Variants in MALRD1 observed in about 807,000 individuals in gnomAD.
MALRD1 encodes MAM and LDL receptor class A domain containing 1.
MALRD1 carries 247 observed loss-of-function variants against 242.1 expected under a neutral mutation model. The observed-to-expected ratio is 1.02, with a 90% CI of 0.92 to 1.13. The LOEUF is 1.13. Ranked by LOEUF, MALRD1 falls within the 50% of genes most tolerant of loss-of-function variation. The pLI, the probability that MALRD1 is intolerant of heterozygous loss-of-function variation, is 0.00. For synonymous variants in MALRD1, 995 were observed against 866.6 expected (o/e 1.15, Z -2.60); for missense variants, 2,989 against 2,533.1 (o/e 1.18, Z -3.86).
intron 17 of MALRD1, among the ~76,000 whole-genome samples, chr10:19,207,222 A>T (rs1480606743): frequency 6.6e-6 from 1 of 152,202 alleles, no homozygotes; most frequent in African/African-American, 2.4e-5. Context: ...AAAATGTAGA[A>T]CTACTTGTTA....
intron 28 of MALRD1, among the ~76,000 whole-genome samples, chr10:19,446,323 C>T (rs1834978249): frequency 6.6e-6 from 1 of 151,952 alleles, no homozygotes; most frequent in African/African-American, 2.4e-5. Flanking sequence ...GAACCCAGTA[C>T]CTCAGTTGGA....
chr10:19,504,761 C>T (rs1301223164), intron 31 of MALRD1, among the ~76,000 whole-genome samples: 1 of 145,836 alleles, frequency 6.9e-6, no homozygotes, highest in Non-Finnish European at 1.5e-5. Flanking sequence ...CGGCTCACTG[C>T]AAGCTCCGCT....
In MALRD1 at chr10:19,515,673, C is replaced by T. The variant is rs188692865; in HGVS notation, c.5321-15521C>T. 6.3e-3 allele frequency among the ~76,000 whole-genome samples: 958 copies of T among 152,210 alleles called. 3 individuals are homozygous for T. Among genetic ancestry groups the T allele is most frequent in the Non-Finnish European group, 9.9e-3 (670 of 68,012 alleles). On this transcript the variant is annotated intron_variant, in intron 31 of 39. Coordinates refer to ENST00000454679, the MANE Select transcript of MALRD1 (RefSeq NM_001142308.3). Reference sequence around the variant, plus strand: ...CTCCCGGGTTCACGCCATTCTCCTGCCTCAGCCTCCCGAGTAGCTGGGACT... The same window carrying T: ...CTCCCGGGTTCACGCCATTCTCCTGTCTCAGCCTCCCGAGTAGCTGGGACT...
At chr10:19,503,416 C>T (rs1175334899) in intron 31 of MALRD1, among the ~76,000 whole-genome samples, 1 of 152,162 alleles carries the variant, frequency 6.6e-6, no homozygotes, top group Non-Finnish European at 1.5e-5. Flanking sequence ...ATAAGAGGGC[C>T]ATTTTCACTG....
intron 1 of MALRD1, among the ~76,000 whole-genome samples, chr10:19,053,758 A>C (rs1473353621): frequency 1.3e-5 from 2 of 151,924 alleles, no homozygotes; most frequent in Non-Finnish European, 2.9e-5. Flanking sequence ...TTCCACACGC[A>C]GTCTTTTTAT....
At chr10:19,276,409 T>C (rs542125581) in intron 19 of MALRD1, among the ~76,000 whole-genome samples, 165 of 152,306 alleles carry the variant, frequency 1.1e-3, no homozygotes, top group African/African-American at 3.7e-3. Flanking sequence ...TTAAACATTT[T>C]AAAAGGATGA....
intron 14 of MALRD1, among the ~76,000 whole-genome samples, chr10:19,181,167 T>C (rs980062088): frequency 3.3e-5 from 5 of 152,158 alleles, no homozygotes; most frequent in African/African-American, 1.2e-4. Flanking sequence ...CTAAAGAAAT[T>C]AGCAATAAAA....
intron 35 of MALRD1, among the ~76,000 whole-genome samples, chr10:19,609,643 T>C (rs984439468): frequency 5.3e-5 from 8 of 152,090 alleles, no homozygotes; most frequent in African/African-American, 1.4e-4. Flanking sequence ...GTATAGATGT[T>C]GCAGGCTACA....
intron 29 of MALRD1, among the ~76,000 whole-genome samples, chr10:19,484,222 A>G (rs1387147931): frequency 6.6e-6 from 1 of 152,206 alleles, no homozygotes; most frequent in Non-Finnish European, 1.5e-5. Flanking sequence ...TCTCAGCATC[A>G]CACAATATAT....
chr10:19,412,284 C>T (rs1434120789), intron 28 of MALRD1, among the ~76,000 whole-genome samples: 3 of 152,158 alleles, frequency 2.0e-5, no homozygotes, highest in African/African-American at 4.8e-5. Flanking sequence ...GAGCGAAACT[C>T]GGTCTCAAAT....
rs1019570658 is a variant in MALRD1, at chr10:19,607,859, T to G, written c.6027T>G (p.Phe2009Leu). The G allele has an allele frequency of 6.5e-7, 1 of 1,549,874 alleles. No homozygotes were observed. Reference sequence around the variant, plus strand: ...CAGCCCACCAGCGCTGTGATGGTTTTGCCGACTGCATGGATTTCCAGCTTG... The same window carrying G: ...CAGCCCACCAGCGCTGTGATGGTTTGGCCGACTGCATGGATTTCCAGCTTG... Reference protein sequence around the residue: ...CIPAHQRCDGFADCMDFQLDE... With the variant: ...CIPAHQRCDGLADCMDFQLDE... The change falls in exon 35 of 40, where the codon TTT becomes TTG. Residue 2009 changes from phenylalanine to leucine, a missense_variant. Phe to Leu is a conservative substitution (Grantham distance 22). Transcript: ENST00000454679.
At chr10:19,358,230 G>GTA (rs1491131648) in intron 26 of MALRD1, among the ~76,000 whole-genome samples, 1 of 151,566 alleles carries the variant, frequency 6.6e-6, no homozygotes, top group East Asian at 1.9e-4. Flanking sequence ...GTGTGTGTGT[G>GTA]TATGAGTTTA....
intron 2 of MALRD1, among the ~76,000 whole-genome samples, chr10:19,072,497 G>A (rs7090207): frequency 0.2 from 29,781 of 151,968 alleles, 2,981 homozygotes; most frequent in Admixed American, 0.29. Flanking sequence ...CATAGGATAT[G>A]CAAAATTAGG....
chr10:19,229,419 G>A (rs935584095), intron 18 of MALRD1, among the ~76,000 whole-genome samples: 7 of 152,124 alleles, frequency 4.6e-5, no homozygotes, highest in South Asian at 2.1e-4. Flanking sequence ...GTTCCATTTC[G>A]TTAATTTAGC....
At chr10:19,395,839 T>C (rs1326623558) in intron 28 of MALRD1, among the ~76,000 whole-genome samples, 1 of 152,226 alleles carries the variant, frequency 6.6e-6, no homozygotes, top group Non-Finnish European at 1.5e-5. Flanking sequence ...CCATGTTCTT[T>C]ACCTCTTTCA....
At position 19,276,862 on chromosome 10, in the gene MALRD1, T is replaced by A. The variant is rs12415986; in HGVS notation, c.3080-3185T>A. Reference sequence around the variant, plus strand: ...TTGTCATTGGCTTTCTATTTTAGGATAGAAAATATTTCTTTTTACATTTAT... The same window carrying A: ...TTGTCATTGGCTTTCTATTTTAGGAAAGAAAATATTTCTTTTTACATTTAT... On this transcript the variant is annotated intron_variant, in intron 19 of 39. Coordinates refer to ENST00000454679, the MANE Select transcript of MALRD1 (RefSeq NM_001142308.3). Among the ~76,000 whole-genome samples the A allele has an allele frequency of 1.6e-4, 25 of 151,920 alleles. No individual in the cohort carries two copies. The South Asian group carries it at 2.7e-3, about 16-fold the overall frequency.
At chr10:19,452,434 G>A (rs1835383007) in intron 29 of MALRD1, among the ~76,000 whole-genome samples, 1 of 152,118 alleles carries the variant, frequency 6.6e-6, no homozygotes, top group African/African-American at 2.4e-5. Context: ...TAGGCCTATA[G>A]TTCTTTCTTT....
Position 19,691,063 on chromosome 10 carries a change from A to T in MALRD1, c.6138-1219A>T, listed in dbSNP as rs899128032. On this transcript the variant is annotated intron_variant, in intron 36 of 39. Coordinates refer to ENST00000454679, the MANE Select transcript of MALRD1 (RefSeq NM_001142308.3). ...TGTGTCCCCATCTCTAGATCATACCAGTGTGTGCACGTGTGAAAGATTGAC... is the reference window on the plus strand; with the variant it reads ...TGTGTCCCCATCTCTAGATCATACCTGTGTGTGCACGTGTGAAAGATTGAC... Among the ~76,000 whole-genome samples, 10 of 152,208 alleles carry T rather than the reference A, an allele frequency of 6.6e-5. No individual in the cohort carries two copies. The East Asian group carries it at 1.2e-3, about 18-fold the overall frequency.
chr10:19,468,986 A>G (rs1303582281), intron 29 of MALRD1, among the ~76,000 whole-genome samples: 1 of 151,736 alleles, frequency 6.6e-6, no homozygotes, highest in African/African-American at 2.4e-5. Flanking sequence ...TGCATCAGTG[A>G]TTGTGGTTCT....
Sources: gnomAD v4.1 joint callset for allele counts (sites outside exome capture counted in the v4.1 genomes callset) on GRCh38, gnomAD v4.1.1 for gene constraint, MANE v1.5 for transcripts, NCBI Gene and HGNC (gene_info 2026-07-23, HGNC 2026-07-21) for gene names.